The following EPHA6 variants were observed in gnomAD, a reference collection of about 807,000 sequenced individuals.
EPHA6 encodes EPH receptor A6, also known as ephrin type-A receptor 6.
In EPHA6, 50 loss-of-function variants were observed where a neutral mutation model predicts 112.0. That is an observed-to-expected ratio of 0.45 (90% CI 0.36 to 0.56). The LOEUF (loss-of-function observed/expected upper bound fraction) is 0.56, where lower values mean the gene tolerates loss of function less well. EPHA6 is among the 20% of genes least tolerant of loss of function. The pLI is 0.00. For missense variants in EPHA6, 1,280 were observed against 1,417.4 expected (o/e 0.90, Z 1.56); for synonymous variants, 529 against 490.7 (o/e 1.08, Z -1.03).
chr3:96,818,666 A>G (rs2107205210), intron 1 of EPHA6, among the ~76,000 whole-genome samples: 1 of 152,098 alleles, frequency 6.6e-6, no homozygotes, highest in Admixed American at 6.5e-5. Context: ...ACTCTGATTG[A>G]ATATTGTTCT....
At position 97,026,908 on chromosome 3, in the gene EPHA6, T is replaced by C. The variant is rs1471928649; in HGVS notation, c.1114+38915T>C. Among the ~76,000 whole-genome samples, 3 of 152,074 alleles carry C rather than the reference T, an allele frequency of 2.0e-5. 1 individual carries two copies. Among genetic ancestry groups the C allele is most frequent in the African/African-American group, 7.2e-5 (3 of 41,404 alleles). On this transcript the variant is annotated intron_variant, in intron 3 of 17. Coordinates refer to ENST00000389672, the MANE Select transcript of EPHA6 (RefSeq NM_001080448.3). ...TTCTTCAAAGACCTAAAGACAAAAA[T>C]ACCATTCAACCCAGTAATCTCATTA...
chr3:96,838,135 T>A (rs182699291), intron 1 of EPHA6, among the ~76,000 whole-genome samples: 5 of 149,858 alleles, frequency 3.3e-5, no homozygotes, highest in Non-Finnish European at 5.9e-5. Context: ...CACTTATAAG[T>A]GAGAGCATGC....
intron 13 of EPHA6, among the ~76,000 whole-genome samples, chr3:97,616,970 C>T (rs2093771631): frequency 6.6e-6 from 1 of 152,064 alleles, no homozygotes; most frequent in Admixed American, 6.6e-5. Flanking sequence ...ATCCTCAGGA[C>T]ACATAATCAT....
At chr3:97,386,484 C>T (rs892094334) in intron 5 of EPHA6, among the ~76,000 whole-genome samples, 1 of 152,224 alleles carries the variant, frequency 6.6e-6, no homozygotes, top group Admixed American at 6.5e-5. Flanking sequence ...AAATGATCTA[C>T]TTTGACTCCA....
At position 97,479,510 on chromosome 3, in the gene EPHA6, C is replaced by A. The variant is rs1323007654; in HGVS notation, c.2074+146C>A. The A allele has an allele frequency of 5.0e-5, 25 of 497,000 alleles. 2 individuals are homozygous for A. The South Asian group carries it at 1.3e-3, about 25-fold the overall frequency. The allele number at this position is 497,000 out of a possible 1,614,324, so 30.8% of individuals were successfully genotyped here. On this transcript the variant is annotated intron_variant, in intron 9 of 17. Coordinates refer to ENST00000389672, the MANE Select transcript of EPHA6 (RefSeq NM_001080448.3). ...GCATTAAGAATTTTCATCTGGTTTCCAGGTTTGTTGGTGAAAGTTGCACCT... is the reference window on the plus strand; with the variant it reads ...GCATTAAGAATTTTCATCTGGTTTCAAGGTTTGTTGGTGAAAGTTGCACCT...
intron 1 of EPHA6, among the ~76,000 whole-genome samples, chr3:96,851,824 G>A (rs2035405143): frequency 6.6e-6 from 1 of 151,984 alleles, no homozygotes; most frequent in Non-Finnish European, 1.5e-5. Context: ...CTTGAGGGAT[G>A]GAATGGTGAG....
At chr3:97,375,203 T>G (rs2085284713) in intron 5 of EPHA6, among the ~76,000 whole-genome samples, 1 of 152,156 alleles carries the variant, frequency 6.6e-6, no homozygotes, top group African/African-American at 2.4e-5. Context: ...ACAAAGGGCT[T>G]TCTTTCTCTC....
intron 5 of EPHA6, among the ~76,000 whole-genome samples, chr3:97,297,862 C>G (rs1195410889): frequency 3.3e-5 from 5 of 152,146 alleles, no homozygotes; most frequent in Non-Finnish European, 7.4e-5. Context: ...TGCCCCAGTT[C>G]AAGTGATTCT....
intron 3 of EPHA6, among the ~76,000 whole-genome samples, chr3:97,159,512 T>C (rs1466653145): frequency 2.0e-5 from 3 of 152,172 alleles, no homozygotes; most frequent in Non-Finnish European, 2.9e-5. Context: ...CATCCCTTTA[T>C]TCCTAGGCCT....
At chr3:97,637,754 C>A in intron 13 of EPHA6, 119 bp from the exon 14 acceptor site, 1 of 744,386 alleles carries the variant, frequency 1.3e-6, no homozygotes, top group South Asian at 1.9e-5. Context: ...CAGTGATCAC[C>A]AAAGTTGATG....
At chr3:97,458,692 G>C (rs1459168765) in intron 7 of EPHA6, among the ~76,000 whole-genome samples, 5 of 152,000 alleles carry the variant, frequency 3.3e-5, no homozygotes, top group African/African-American at 1.2e-4. Context: ...AAGTAAAAAT[G>C]ATTTGTTTTA....
chr3:97,311,287 T>C (rs1389515900), intron 5 of EPHA6, among the ~76,000 whole-genome samples: 1 of 151,610 alleles, frequency 6.6e-6, no homozygotes, highest in East Asian at 1.9e-4. Context: ...AATACATCTT[T>C]GAAGTTCTGT....
intron 12 of EPHA6, among the ~76,000 whole-genome samples, chr3:97,610,438 T>C (rs2093710231): frequency 6.6e-6 from 1 of 151,678 alleles, no homozygotes; most frequent in African/African-American, 2.4e-5. Context: ...GCAGCTATAA[T>C]AACTGCTTAA....
chr3:97,154,548 T>G (rs1019880946), intron 3 of EPHA6, among the ~76,000 whole-genome samples: 9 of 152,188 alleles, frequency 5.9e-5, no homozygotes, highest in Non-Finnish European at 1.3e-4. Context: ...GTAACTGTAG[T>G]CACTGTGCTG....
At chr3:97,573,501 A>G (rs2093354262) in intron 11 of EPHA6, among the ~76,000 whole-genome samples, 1 of 152,172 alleles carries the variant, frequency 6.6e-6, no homozygotes. Flanking sequence ...GTTCCAGATT[A>G]TACATTTTAA....
chr3:97,423,156 T>C (rs2088817177), intron 6 of EPHA6, among the ~76,000 whole-genome samples: 1 of 151,744 alleles, frequency 6.6e-6, no homozygotes, highest in South Asian at 2.1e-4. Flanking sequence ...GCAGCTAGAG[T>C]AATCAGGCAA....
intron 6 of EPHA6, among the ~76,000 whole-genome samples, chr3:97,441,033 A>G (rs896030302): frequency 1.3e-5 from 2 of 152,046 alleles, no homozygotes; most frequent in African/African-American, 4.8e-5. Context: ...GTCCATTTCA[A>G]TTAAGTTTTC....
chr3:97,747,688 C>A, intron 17 of EPHA6, 116 bp downstream of exon 17: 1 of 888,928 alleles, frequency 1.1e-6, no homozygotes, highest in Non-Finnish European at 1.5e-6. Context: ...AGTCTTTGCT[C>A]ACCATTTCTG....
intron 14 of EPHA6, among the ~76,000 whole-genome samples, chr3:97,701,975 A>C (rs1215894281): frequency 6.6e-6 from 1 of 152,164 alleles, no homozygotes; most frequent in African/African-American, 2.4e-5. Flanking sequence ...ATTCCTGACA[A>C]CTGGCAAGAG....
Sources: allele counts gnomAD v4.1 joint callset (sites outside exome capture counted in the v4.1 genomes callset), GRCh38; gene constraint gnomAD v4.1.1; transcripts MANE v1.5; gene names NCBI Gene and HGNC (gene_info 2026-07-23, HGNC 2026-07-21).